APBB2: variants seen among roughly 807,000 people sequenced by gnomAD.
APBB2 encodes the protein amyloid beta precursor protein binding family B member 2, also known as Fe65-like 1.
A neutral mutation model predicts 82.5 loss-of-function variants in APBB2; 38 were observed. The observed-to-expected ratio is 0.46, with a 90% confidence interval of 0.36 to 0.60. APBB2 has a LOEUF of 0.60. Ranked by LOEUF, APBB2 falls within the 20% of genes least tolerant of loss-of-function variation. The probability of loss-of-function intolerance (pLI) is 0.00; values close to 1 mark genes in which losing one functional copy is unlikely to be tolerated. For synonymous variants in APBB2, 341 were observed against 368.2 expected, an observed-to-expected ratio of 0.93 and a Z score of 0.85; for missense variants, 772 against 972.3, an observed-to-expected ratio of 0.79 and a Z score of 2.74.
chr4:40,934,544 T>C (rs764409565), intron 9 of APBB2, 28 bp from the exon 10 acceptor site: 58 of 1,613,348 alleles, frequency 3.6e-5, no homozygotes, highest in African/African-American at 3.5e-4. Context: ...AAAGTGGACT[T>C]AGAATTCTAT....
intron 15 of APBB2, 35 bp from the exon 16 acceptor site, chr4:40,823,794 A>G: frequency 6.9e-7 from 1 of 1,455,446 alleles, no homozygotes; most frequent in South Asian, 1.1e-5. Context: ...AAGTGTCCTA[A>G]AGCCACTTAC....
chr4:41,070,958 G>A (rs919244374), intron 3 of APBB2, among the ~76,000 whole-genome samples: 1 of 152,052 alleles, frequency 6.6e-6, no homozygotes, highest in African/African-American at 2.4e-5. Context: ...CTGCATTTAC[G>A]GTACTAGCCA....
intron 1 of APBB2, among the ~76,000 whole-genome samples, chr4:41,167,201 G>A (rs976969217): frequency 1.3e-5 from 2 of 152,232 alleles, no homozygotes; most frequent in African/African-American, 4.8e-5. Context: ...CCCTCCTGGA[G>A]CATGCCACCC....
At chr4:41,149,280 A>G (rs1761582880) in intron 1 of APBB2, among the ~76,000 whole-genome samples, 1 of 152,264 alleles carries the variant, frequency 6.6e-6, no homozygotes, top group African/African-American at 2.4e-5. Flanking sequence ...TATTTTAAAG[A>G]TTAAAAAAAA....
intron 4 of APBB2, among the ~76,000 whole-genome samples, chr4:41,060,701 G>A (rs561574492): frequency 8.7e-4 from 132 of 152,294 alleles, no homozygotes; most frequent in Non-Finnish European, 1.5e-3. Flanking sequence ...GCTTCCAGCA[G>A]GGAAACCAGG....
intron 1 of APBB2, among the ~76,000 whole-genome samples, chr4:41,184,514 T>C (rs1269984905): frequency 6.6e-6 from 1 of 152,132 alleles, no homozygotes; most frequent in East Asian, 1.9e-4. Flanking sequence ...GAGCCCTTAA[T>C]TCCTTTAGAC....
intron 6 of APBB2, among the ~76,000 whole-genome samples, chr4:40,948,403 T>C (rs1176925202): frequency 6.6e-6 from 1 of 152,080 alleles, no homozygotes; most frequent in Non-Finnish European, 1.5e-5. Flanking sequence ...AGGCCCCGTG[T>C]CTACCAAAAA....
intron 1 of APBB2, among the ~76,000 whole-genome samples, chr4:41,211,905 C>A (rs1779417798): frequency 6.6e-6 from 1 of 152,162 alleles, no homozygotes; most frequent in Admixed American, 6.5e-5. Flanking sequence ...ATTTGTTACA[C>A]AGGTAAACAT....
intron 10 of APBB2, among the ~76,000 whole-genome samples, chr4:40,900,458 T>TG (rs1394844975): frequency 6.7e-6 from 1 of 149,970 alleles, no homozygotes; most frequent in Non-Finnish European, 1.5e-5. Context: ...AAGGAGGTTT[T>TG]TTTTTTTTTT....
intron 1 of APBB2, among the ~76,000 whole-genome samples, chr4:41,196,207 TC>T: frequency 6.6e-6 from 1 of 151,642 alleles, no homozygotes; most frequent in African/African-American, 2.4e-5. Context: ...TGATCACCCA[TC>T]CCCCCGTCTA....
At chr4:40,856,378 C>T (rs1263673507) in intron 12 of APBB2, among the ~76,000 whole-genome samples, 1 of 152,234 alleles carries the variant, frequency 6.6e-6, no homozygotes, top group Admixed American at 6.5e-5. Flanking sequence ...TAAATCTTCA[C>T]GCCTTTCTTT....
chr4:41,072,325 G>A (rs1412168198), intron 3 of APBB2, among the ~76,000 whole-genome samples: 1 of 152,156 alleles, frequency 6.6e-6, no homozygotes, highest in Non-Finnish European at 1.5e-5. Flanking sequence ...GGCAACAGAG[G>A]GCTGTTTATT....
In APBB2 at chr4:40,828,364, C is replaced by A. The variant is rs60881384; in HGVS notation, c.1645-1145G>T. Among the ~76,000 whole-genome samples, 216 of 152,298 alleles carry A rather than the reference C, an allele frequency of 1.4e-3. 3 individuals are homozygous for A. In the East Asian group the frequency reaches 0.02, roughly 14 times the overall value. On this transcript the variant is annotated intron_variant, in intron 13 of 17. Coordinates refer to ENST00000508593, the MANE Select transcript of APBB2 (RefSeq NM_004307.2). ...CCCTTTAGTGACCCCAAAAGTAACT[C>A]GGATCTTCATTCCCAGACTAAGTTT...
At chr4:41,082,588 AAG>A (rs1306876707) in intron 3 of APBB2, among the ~76,000 whole-genome samples, 17 of 144,036 alleles carry the variant, frequency 1.2e-4, no homozygotes, top group Non-Finnish European at 4.6e-5. Flanking sequence ...TTTTTTTTTT[AAG>A]AGTTAGTGGT....
intron 12 of APBB2, chr4:40,881,030 A>C (rs1014763350): frequency 1.0e-6 from 1 of 985,398 alleles, no homozygotes; most frequent in Non-Finnish European, 1.2e-6. Flanking sequence ...CTTTCCTTAA[A>C]GGTTATTCTG....
At chr4:41,202,086 T>G (rs1776835095) in intron 1 of APBB2, among the ~76,000 whole-genome samples, 1 of 152,242 alleles carries the variant, frequency 6.6e-6, no homozygotes, top group Non-Finnish European at 1.5e-5. Context: ...CCTTGGAATT[T>G]TAACTATTTT....
At chr4:40,818,715 C>G (rs1245981275) in intron 17 of APBB2, among the ~76,000 whole-genome samples, 1 of 152,152 alleles carries the variant, frequency 6.6e-6, no homozygotes, top group Middle Eastern at 3.2e-3. Context: ...ACAGTTCTTG[C>G]AGGGAGTTAG....
intron 2 of APBB2, among the ~76,000 whole-genome samples, chr4:41,120,701 T>C (rs1300551351): frequency 1.3e-5 from 2 of 151,952 alleles, no homozygotes; most frequent in African/African-American, 4.8e-5. Context: ...GAAAAATGAG[T>C]TTCACCATCC....
intron 1 of APBB2, among the ~76,000 whole-genome samples, chr4:41,196,001 C>A: frequency 3.3e-5 from 5 of 150,496 alleles, no homozygotes; most frequent in Non-Finnish European, 7.4e-5. Context: ...TCTACCGAAA[C>A]TACAAAAAAT....
Sources: gnomAD v4.1 joint callset for allele counts (sites outside exome capture counted in the v4.1 genomes callset) on GRCh38, gnomAD v4.1.1 for gene constraint, MANE v1.5 for transcripts, NCBI Gene and HGNC (gene_info 2026-07-23, HGNC 2026-07-21) for gene names.